The following PHF21B variants were observed in gnomAD, a reference collection of about 807,000 sequenced individuals.
PHF21B encodes PHD finger protein 21B, also known as PHD finger protein 4.
A neutral mutation model predicts 62.2 loss-of-function variants in PHF21B; 22 were observed. The observed-to-expected ratio is 0.35, with a 90% CI of 0.25 to 0.51. The LOEUF (loss-of-function observed/expected upper bound fraction) is 0.51. PHF21B is among the 20% of genes least tolerant of loss of function. PHF21B has a pLI of 0.97. For synonymous variants in PHF21B, 341 were observed against 314.7 expected (o/e 1.08, Z -0.88); for missense variants, 701 against 707.9 (o/e 0.99, Z 0.11).
chr22:44,883,278 C>G lies in PHF21B; in HGVS notation c.1404G>C (p.Leu468=), dbSNP rs2070770730. The change falls in exon 13 of 13, where the codon CTG becomes CTC. Residue 468 remains leucine, a synonymous_variant. Transcript: ENST00000313237. ...ACTGGGTGCCCCTCTGGCGGGCCAG[C>G]AGGCTTGTCTTCAACTCCAGGCATT... is the stretch of plus-strand genomic sequence containing the variant. ...VQKCLELKTS[L]LARQRGTQSS... 1 of 1,613,706 alleles carries G rather than the reference C, an allele frequency of 6.2e-7. No homozygotes were observed. The highest frequency in any genetic ancestry group is 8.5e-7 in the Non-Finnish European group (1 of 1,179,942).
intron 3 of PHF21B, among the ~76,000 whole-genome samples, chr22:44,920,185 T>C (rs181811055): frequency 1.3e-5 from 2 of 152,340 alleles, no homozygotes; most frequent in Non-Finnish European, 2.9e-5. Flanking sequence ...ACCCACTAAA[T>C]TGATTTCCCA....
intron 2 of PHF21B, among the ~76,000 whole-genome samples, chr22:44,961,111 C>T (rs1455909505): frequency 6.6e-6 from 1 of 151,834 alleles, no homozygotes; most frequent in Non-Finnish European, 1.5e-5. Flanking sequence ...TACGCGCCAC[C>T]ACACCCGGCT....
At chr22:44,960,775 T>C (rs1000260622) in intron 2 of PHF21B, among the ~76,000 whole-genome samples, 1 of 152,162 alleles carries the variant, frequency 6.6e-6, no homozygotes, top group Admixed American at 6.5e-5. Context: ...GCTGTCTGCC[T>C]GCACTCAGCC....
rs1376057741 is a variant in PHF21B at position 44,885,937 on chromosome 22, G to A, written c.1199C>T (p.Ala400Val). The A allele has an allele frequency of 5.6e-6, 9 of 1,613,940 alleles. No individual in the cohort carries two copies. Among genetic ancestry groups the A allele is most frequent in the Non-Finnish European group, 7.6e-6 (9 of 1,179,932 alleles). Residue 400 changes from alanine (A) to valine (V), a missense_variant and splice_region_variant, in exon 11 of 13, where the codon GCC becomes GTC. Ala to Val is a moderately conservative substitution (Grantham distance 64). Coordinates refer to ENST00000313237, the MANE Select transcript of PHF21B (RefSeq NM_138415.5). ...GGGCACACCCTCGTCTTTCTTTAAG[G>A]CCTGGGGAGCAGACGGGGAGATGAA... Reference protein sequence around the residue: ...VWVCPRCQQKALKKDEGVPWT... With the variant: ...VWVCPRCQQKVLKKDEGVPWT...
intron 2 of PHF21B, among the ~76,000 whole-genome samples, chr22:44,931,484 G>T (rs1162003479): frequency 6.6e-6 from 1 of 152,176 alleles, no homozygotes; most frequent in Admixed American, 6.5e-5. Context: ...GACAACACAA[G>T]TGGCTACCGT....
At chr22:44,883,686 T>C (rs1255714202) in intron 12 of PHF21B, among the ~76,000 whole-genome samples, 2 of 152,190 alleles carry the variant, frequency 1.3e-5, no homozygotes, top group African/African-American at 4.8e-5. Flanking sequence ...TGTTGTGCTG[T>C]GTGGTGCTGC....
intron 4 of PHF21B, among the ~76,000 whole-genome samples, chr22:44,914,341 G>GTTCCA (rs533202740): frequency 9.8e-4 from 150 of 152,332 alleles, no homozygotes; most frequent in African/African-American, 3.5e-3. Flanking sequence ...GAAGGTCTGG[G>GTTCCA]TTCCAGTCCT....
At chr22:45,008,768 G>C (rs2073373260) in intron 1 of PHF21B, 158 bp from the exon 2 acceptor site, 1 of 1,151,078 alleles carries the variant, frequency 8.7e-7, no homozygotes, top group Non-Finnish European at 1.1e-6. Flanking sequence ...CGCGGCGGCC[G>C]GGCAGTGCCG....
At chr22:44,949,344 T>C (rs184080970) in intron 2 of PHF21B, among the ~76,000 whole-genome samples, 6 of 146,268 alleles carry the variant, frequency 4.1e-5, no homozygotes, top group Admixed American at 3.4e-4. Context: ...AGAGCTGAGG[T>C]AGGTGATCAT....
chr22:44,992,212 T>C (rs892128806), intron 2 of PHF21B, among the ~76,000 whole-genome samples: 1 of 152,256 alleles, frequency 6.6e-6, no homozygotes, highest in Non-Finnish European at 1.5e-5. Context: ...TTCATGCCCC[T>C]GCCAGGGGAG....
At chr22:44,970,633 C>T (rs2072619332) in intron 2 of PHF21B, among the ~76,000 whole-genome samples, 1 of 152,194 alleles carries the variant, frequency 6.6e-6, no homozygotes, top group African/African-American at 2.4e-5. Flanking sequence ...GGTTCAGGGT[C>T]AAGGTGGGTC....
chr22:45,003,703 C>T (rs375055042), intron 2 of PHF21B: 6 of 152,192 alleles, frequency 3.9e-5, no homozygotes, highest in African/African-American at 1.4e-4. Context: ...CCAGAGTAGA[C>T]GCAGCATGCC....
At chr22:45,007,381 C>T (rs1569289848) in intron 2 of PHF21B, among the ~76,000 whole-genome samples, 1 of 150,484 alleles carries the variant, frequency 6.6e-6, no homozygotes, top group Non-Finnish European at 1.5e-5. Flanking sequence ...GAAAATCCCC[C>T]GGGGGAGGGG....
At chr22:44,936,995 G>C (rs2071863743) in intron 2 of PHF21B, among the ~76,000 whole-genome samples, 1 of 151,592 alleles carries the variant, frequency 6.6e-6, no homozygotes, top group African/African-American at 2.4e-5. Context: ...CTCCTGAGTA[G>C]CTGGGATTAC....
chr22:44,996,421 C>A (rs74460102), intron 2 of PHF21B, among the ~76,000 whole-genome samples: 6,006 of 152,184 alleles, frequency 0.039, 169 homozygotes, highest in African/African-American at 0.068. Context: ...CCAGTTCTAG[C>A]CCCAGACAGC....
At chr22:44,997,001 G>A (rs1315764507) in intron 2 of PHF21B, among the ~76,000 whole-genome samples, 4 of 152,066 alleles carry the variant, frequency 2.6e-5, no homozygotes, top group Non-Finnish European at 2.9e-5. Context: ...CCCACTCCAC[G>A]TCACGCATTA....
chr22:44,908,529 C>G (rs1044472459), intron 5 of PHF21B, among the ~76,000 whole-genome samples: 5 of 152,188 alleles, frequency 3.3e-5, no homozygotes, highest in Non-Finnish European at 7.4e-5. Context: ...AGTGTGGCTC[C>G]AAGCAACCCC....
At chr22:44,996,567 T>A (rs147996538) in intron 2 of PHF21B, among the ~76,000 whole-genome samples, 27 of 152,056 alleles carry the variant, frequency 1.8e-4, no homozygotes, top group African/African-American at 5.8e-4. Context: ...ATTCAAAGGC[T>A]GAGGTCAGTC....
At position 44,932,434 on chromosome 22, in the gene PHF21B, G is replaced by A. The variant is rs576216590; in HGVS notation, c.121-11944C>T. ...CTGGGCCCTTGGATCTGGAGTGGCC[G>A]CCACCACCAGGCACACGTCTTCCAA... On this transcript the variant is annotated intron_variant, in intron 2 of 12. Transcript: ENST00000313237. Among the ~76,000 whole-genome samples, 74 of 152,256 alleles carry A rather than the reference G, an allele frequency of 4.9e-4. 1 individual carries two copies. The Middle Eastern group carries it at 0.014, about 28-fold the overall frequency.
Sources: allele counts gnomAD v4.1 joint callset (sites outside exome capture counted in the v4.1 genomes callset), GRCh38; gene constraint gnomAD v4.1.1; transcripts MANE v1.5; gene names NCBI Gene and HGNC (gene_info 2026-07-23, HGNC 2026-07-21).